The following MAP3K15 variants were observed in gnomAD, a reference collection of about 807,000 sequenced individuals.
MAP3K15 encodes the protein mitogen-activated protein kinase kinase kinase 15, also known as MAPK/ERK kinase kinase 15.
Under a neutral mutation model 99.5 loss-of-function variants are expected in MAP3K15, and 124 were observed. That is an observed-to-expected ratio of 1.25 (90% CI 1.08 to 1.45). The LOEUF (loss-of-function observed/expected upper bound fraction) is 1.45, where lower values mean the gene tolerates loss of function less well. MAP3K15 is among the 40% of genes most tolerant of loss of function. MAP3K15 has a pLI of 0.00. For synonymous variants in MAP3K15, 494 were observed against 439.6 expected, an observed-to-expected ratio of 1.12 and a Z score of -1.55; for missense variants, 1,242 against 1,079.7, an observed-to-expected ratio of 1.15 and a Z score of -2.11.
intron 1 of MAP3K15, among the ~76,000 whole-genome samples, chrX:19,507,575 CAAAAAAAAAAAAAAAAAAAA>C (rs1165492097): frequency 2.8e-4 from 3 of 10,891 alleles, no homozygotes; most frequent in African/African-American, 9.7e-4. Context: ...CACCTTGTCT[CAAAAAAAAAAAAAAAAAAAA>C]AAAAAAAAAA....
At chrX:19,475,874 T>C (rs765683885) in intron 3 of MAP3K15, among the ~76,000 whole-genome samples, 36 of 112,193 alleles carry the variant, frequency 3.2e-4, no homozygotes, top group Non-Finnish European at 4.1e-4. Flanking sequence ...TAAAGTAGCC[T>C]TGGGGTTGGC....
chrX:19,362,335 G>C (rs1040936489), intron 26 of MAP3K15, among the ~76,000 whole-genome samples: 1 of 105,784 alleles, frequency 9.5e-6, no homozygotes, highest in African/African-American at 3.5e-5. Context: ...GGGCTCAGGT[G>C]ATCCTCCCAT....
At chrX:19,400,697 C>A (rs773850860) in intron 13 of MAP3K15, 34 bp from the exon 14 acceptor site, 3 of 933,909 alleles carry the variant, frequency 3.2e-6, no homozygotes, top group Non-Finnish European at 4.6e-6. Flanking sequence ...ACGTTGCCAA[C>A]TCAGAACTGC....
rs183968812 is a variant in MAP3K15 at position 19,469,394 on chromosome X, T to A, written c.526-4988A>T. On this transcript the variant is annotated intron_variant, in intron 3 of 28. Coordinates refer to ENST00000338883, the MANE Select transcript of MAP3K15 (RefSeq NM_001001671.4). ...CCCTTCCTTACACCTTATACACAAA[T>A]TAATTCAAGATGGATTAGAGACTTA... Among the ~76,000 whole-genome samples, 771 of 111,886 alleles carry A rather than the reference T, an allele frequency of 6.9e-3. 2 individuals are homozygous for A. Among genetic ancestry groups the A allele is most frequent in the Admixed American group, 0.013 (134 of 10,485 alleles).
chrX:19,393,994 G>A (rs189508580), intron 16 of MAP3K15, among the ~76,000 whole-genome samples: 3 of 108,909 alleles, frequency 2.8e-5, no homozygotes, highest in African/African-American at 1.0e-4. Flanking sequence ...GGCTGGTCTC[G>A]AATTCCTGGC....
At chrX:19,381,727 G>A (rs2063459248) in intron 18 of MAP3K15, among the ~76,000 whole-genome samples, 1 of 112,389 alleles carries the variant, frequency 8.9e-6, no homozygotes, top group South Asian at 3.7e-4. Context: ...AGCACACGGG[G>A]AGGTCAGTCA....
Position 19,440,185 on chromosome X carries a change from C to G in MAP3K15, c.996-8577G>C, listed in dbSNP as rs182661306. ...TCTTCCCTGGGTCCCTCCAGCCAAG[C>G]GGGTGACAGCAGCTTCCTGCTGATG... On this transcript the variant is annotated intron_variant, in intron 6 of 28. Coordinates refer to ENST00000338883, the MANE Select transcript of MAP3K15 (RefSeq NM_001001671.4). 4.3e-3 allele frequency among the ~76,000 whole-genome samples: 481 copies of G among 112,217 alleles called. 10 individuals carry two copies. The highest frequency in any genetic ancestry group is 0.015 in the African/African-American group (454 of 30,927).
chrX:19,398,523 T>C (rs753614952), intron 14 of MAP3K15, among the ~76,000 whole-genome samples, 164 bp from the exon 15 acceptor site: 2 of 112,328 alleles, frequency 1.8e-5, no homozygotes, highest in Admixed American at 9.5e-5. Flanking sequence ...TAAATGACTT[T>C]AAAGGGGCAG....
intron 3 of MAP3K15, among the ~76,000 whole-genome samples, chrX:19,474,419 T>C (rs1435468063): frequency 2.8e-5 from 3 of 108,478 alleles, no homozygotes; most frequent in Admixed American, 1.0e-4. Context: ...GATAATAGTG[T>C]CAGCCTCATT....
chrX:19,511,137 AC>A (rs1179265330), intron 1 of MAP3K15, among the ~76,000 whole-genome samples: 2 of 111,657 alleles, frequency 1.8e-5, no homozygotes, highest in Non-Finnish European at 3.8e-5. Flanking sequence ...CTGAAACTGG[AC>A]CCCTTTCTTA....
At position 19,410,186 on chromosome X, in the gene MAP3K15, G is replaced by T. The variant is rs149519169; in HGVS notation, c.1699-213C>A. The stretch of plus-strand genomic sequence containing the variant: ...TTTGTATCTCTAATCCAGTTTAAAT[G>T]ATGTAAATTTGAAATAATCTAAGTT... On this transcript the variant is annotated intron_variant, in intron 11 of 28. Coordinates refer to ENST00000338883, the MANE Select transcript of MAP3K15 (RefSeq NM_001001671.4). Among the ~76,000 whole-genome samples the T allele has an allele frequency of 2.5e-4, 28 of 112,298 alleles. No homozygotes were observed. The East Asian group carries it at 7.5e-3, about 30-fold the overall frequency.
At chrX:19,430,917 C>A (rs991341738) in intron 7 of MAP3K15, among the ~76,000 whole-genome samples, 4 of 111,415 alleles carry the variant, frequency 3.6e-5, no homozygotes, top group Non-Finnish European at 5.6e-5. Flanking sequence ...TTATCCCCTT[C>A]CCTGCTTAAC....
rs754074057 is a variant in MAP3K15, at chrX:19,469,146, A to G, written c.526-4740T>C. Among the ~76,000 whole-genome samples, 287 of 111,591 alleles carry G rather than the reference A, an allele frequency of 2.6e-3. 1 individual carries two copies. The highest frequency in any genetic ancestry group is 4.4e-3 in the Non-Finnish European group (232 of 53,141). The stretch of plus-strand genomic sequence containing the variant: ...GAGGCATCACGCTACCTGACTTCAA[A>G]CTATACTACAAGGCTACGGTAACCA... On this transcript the variant is annotated intron_variant, in intron 3 of 28. Transcript: ENST00000338883.
At chrX:19,380,346 A>G in intron 18 of MAP3K15, 69 bp from the exon 19 acceptor site, 1 of 1,115,556 alleles carries the variant, frequency 9.0e-7, no homozygotes, top group Admixed American at 2.4e-5. Flanking sequence ...CTGTAGTCCC[A>G]GCTACTCGGG....
At position 19,464,234 on chromosome X, in the gene MAP3K15, T is replaced by G. The variant is rs765136099; in HGVS notation, c.698A>C (p.Lys233Thr). ...TTACCATGAGGTCACGTGGATGTCCTTAAGGAGGCTAATGAACCTGTCCAC... is the reference window on the plus strand; with the variant it reads ...TTACCATGAGGTCACGTGGATGTCCGTAAGGAGGCTAATGAACCTGTCCAC... ...PLVDRFISLL[K>T]DIHVTSCVYY... The change falls in exon 4 of 29, where the codon AAG becomes ACG. Residue 233 changes from lysine (K) to threonine (T), a missense_variant. By Grantham distance (78) the Lys-to-Thr change is moderately conservative (BLOSUM62 -1). Coordinates refer to ENST00000338883, the MANE Select transcript of MAP3K15 (RefSeq NM_001001671.4). 38 of 1,197,256 alleles carry G rather than the reference T, an allele frequency of 3.2e-5. No individual in the cohort carries two copies. The African/African-American group carries it at 5.4e-4, about 17-fold the overall frequency.
rs2063550075 is a variant in MAP3K15, at chrX:19,394,358, C to T, written c.2194+723G>A. ...CAGAGTCATTATTACTCCAATTTTA[C>T]AGTTCATTTATTCAATCAGAAAACT... On this transcript the variant is annotated intron_variant, in intron 16 of 28. Transcript: ENST00000338883. 2.7e-5 allele frequency among the ~76,000 whole-genome samples: 3 copies of T among 110,675 alleles called. No homozygotes were observed. In the South Asian group the frequency reaches 1.2e-3, roughly 43 times the overall value.
intron 9 of MAP3K15, among the ~76,000 whole-genome samples, chrX:19,424,776 A>G (rs747438732): frequency 9.2e-6 from 1 of 108,996 alleles, no homozygotes; most frequent in East Asian, 2.9e-4. Context: ...CTTCCCGAGT[A>G]GCTGGGACCA....
intron 3 of MAP3K15, among the ~76,000 whole-genome samples, chrX:19,483,409 A>C (rs2064304408): frequency 9.0e-6 from 1 of 111,602 alleles, no homozygotes; most frequent in African/African-American, 3.3e-5. Flanking sequence ...GTAAAAGTAC[A>C]ATTTTAGAAA....
At chrX:19,389,195 A>G (rs1017591090) in intron 18 of MAP3K15, among the ~76,000 whole-genome samples, 1 of 108,550 alleles carries the variant, frequency 9.2e-6, no homozygotes, top group Non-Finnish European at 1.9e-5. Context: ...CAGACACTGG[A>G]TCGTGGTGAT....
Sources: gnomAD v4.1 joint callset for allele counts (sites outside exome capture counted in the v4.1 genomes callset) on GRCh38, gnomAD v4.1.1 for gene constraint, MANE v1.5 for transcripts, NCBI Gene and HGNC (gene_info 2026-07-23, HGNC 2026-07-21) for gene names.